DNAJC15: variants seen among roughly 807,000 people sequenced by gnomAD.
DNAJC15 encodes the protein DnaJ heat shock protein family (Hsp40) member C15, also known as dnaJ homolog subfamily C member 15.
A neutral mutation model predicts 22.4 loss-of-function variants in DNAJC15; 27 were observed. That is an observed-to-expected ratio of 1.20 (90% CI 0.89 to 1.66). The LOEUF (loss-of-function observed/expected upper bound fraction) is 1.66. Among genes scored for constraint, DNAJC15 ranks in the 40% most tolerant of loss-of-function variants. DNAJC15 has a pLI of 0.00. For synonymous variants in DNAJC15, 79 were observed against 63.2 expected, an observed-to-expected ratio of 1.25 and a Z score of -1.19; for missense variants, 208 against 187.1, an observed-to-expected ratio of 1.11 and a Z score of -0.65.
rs184444336 is a variant in DNAJC15, at chr13:43,053,626, T to C, written c.109-12060T>C. On this transcript the variant is annotated intron_variant, in intron 1 of 5. Transcript: ENST00000379221. ...TCCTTGTAGAGGTTTTTTACCTCCA[T>C]GGTTAGGTATATTCCTTTGTAATTT... Among the ~76,000 whole-genome samples the C allele has an allele frequency of 2.0e-5, 3 of 152,162 alleles. No individual in the cohort carries two copies. In the East Asian group the frequency reaches 5.8e-4, roughly 29 times the overall value.
chr13:43,078,711 G>A (rs1339454398), intron 4 of DNAJC15, 23 bp downstream of exon 4: 1 of 1,601,796 alleles, frequency 6.2e-7, no homozygotes, highest in Non-Finnish European at 8.5e-7. Context: ...CATAAGTATT[G>A]TTTTGTTGTG....
chr13:43,070,818 G>T (rs2040605245), intron 3 of DNAJC15, among the ~76,000 whole-genome samples: 1 of 152,156 alleles, frequency 6.6e-6, no homozygotes, highest in African/African-American at 2.4e-5. Flanking sequence ...CCTTGGAAGG[G>T]TTTGAGCATG....
chr13:43,097,185 T>TA (rs746942349), intron 5 of DNAJC15, among the ~76,000 whole-genome samples: 28 of 152,174 alleles, frequency 1.8e-4, no homozygotes, highest in Non-Finnish European at 3.7e-4. Flanking sequence ...CTGATTTACT[T>TA]ATAGCCTTCT....
At chr13:43,098,886 A>T (rs1413091567) in intron 5 of DNAJC15, among the ~76,000 whole-genome samples, 1 of 152,190 alleles carries the variant, frequency 6.6e-6, no homozygotes, top group Non-Finnish European at 1.5e-5. Context: ...CTTCCATAAT[A>T]ATTCCATATG....
In DNAJC15 at chr13:43,023,652, C is replaced by T. The variant is rs1218252638; in HGVS notation, c.26C>T (p.Pro9Leu). The T allele has an allele frequency of 1.9e-6, 3 of 1,612,436 alleles. No homozygotes were observed. Among genetic ancestry groups the T allele is most frequent in the Non-Finnish European group, 2.5e-6 (3 of 1,179,388 alleles). MAARGVIA[P>L]VGESLRYAEY... ...ATGGCTGCCCGTGGTGTCATCGCTC[C>T]AGTTGGCGAGAGTTTGCGCTACGCT... The change falls in exon 1 of 6, where the codon CCA (proline) becomes CTA (leucine). Residue 9 changes from proline (P) to leucine (L), a missense_variant. Physicochemically the swap from Pro to Leu is moderately conservative, Grantham distance 98. Transcript: ENST00000379221.
At chr13:43,044,328 T>C (rs1412316876) in intron 1 of DNAJC15, among the ~76,000 whole-genome samples, 1 of 152,214 alleles carries the variant, frequency 6.6e-6, no homozygotes, top group African/African-American at 2.4e-5. Flanking sequence ...TTCTTTTCCA[T>C]TAGTAGATGA....
In DNAJC15 at chr13:43,078,270, A is replaced by C. The variant is rs1253262314; in HGVS notation, c.235-342A>C. Among the ~76,000 whole-genome samples the C allele has an allele frequency of 3.9e-5, 6 of 152,332 alleles. No homozygotes were observed. The East Asian group carries it at 1.2e-3, about 29-fold the overall frequency. The stretch of plus-strand genomic sequence containing the variant: ...AGGCTAAACGATGTCTGCCATATCA[A>C]CATTAAATGACTTCATCAAGGTTAT... On this transcript the variant is annotated intron_variant, in intron 3 of 5. Transcript: ENST00000379221.
chr13:43,078,492 A>G, intron 3 of DNAJC15, 120 bp from the exon 4 acceptor site: 1 of 667,608 alleles, frequency 1.5e-6, no homozygotes, highest in Non-Finnish European at 2.4e-6. Flanking sequence ...CCCCCGCCCC[A>G]TAATTTTGAG....
chr13:43,082,678 T>C (rs776818048), intron 4 of DNAJC15, among the ~76,000 whole-genome samples: 94 of 152,204 alleles, frequency 6.2e-4, no homozygotes, highest in Non-Finnish European at 1.2e-3. Flanking sequence ...TGTACAAAAC[T>C]ATGTGGAACT....
At chr13:43,068,621 TA>T (rs944947875) in intron 2 of DNAJC15, among the ~76,000 whole-genome samples, 2 of 152,134 alleles carry the variant, frequency 1.3e-5, no homozygotes, top group Admixed American at 6.5e-5. Context: ...ACTAGGATGT[TA>T]TTTTTTTTGT....
At position 43,107,376 on chromosome 13, in the gene DNAJC15, A is replaced by C. The variant is rs1443017185; in HGVS notation, c.*128A>C. 4 of 614,732 alleles carry C rather than the reference A, an allele frequency of 6.5e-6. No individual in the cohort carries two copies. The highest frequency in any genetic ancestry group is 1.0e-5 in the Non-Finnish European group (4 of 395,894). The allele number at this position is 614,732 out of a possible 1,614,324, so 38.1% of individuals were successfully genotyped here. On this transcript the variant is annotated 3_prime_UTR_variant, in exon 6 of 6. Coordinates refer to ENST00000379221, the MANE Select transcript of DNAJC15 (RefSeq NM_013238.3). ...ATTGACCACAGTCTTATCTTCCACC[A>C]TTAAGCTGTATAACAATAAAATGTT...
intron 1 of DNAJC15, among the ~76,000 whole-genome samples, chr13:43,034,354 C>T (rs1172224132): frequency 6.1e-5 from 7 of 114,426 alleles, no homozygotes; most frequent in Admixed American, 2.6e-4. Context: ...CTCGCTGTGT[C>T]GCCCAGACTG....
At chr13:43,034,647 T>C (rs2040421466) in intron 1 of DNAJC15, among the ~76,000 whole-genome samples, 1 of 152,144 alleles carries the variant, frequency 6.6e-6, no homozygotes, top group South Asian at 2.1e-4. Context: ...TTATTACTTA[T>C]TTATATTAGT....
At chr13:43,088,377 G>A (rs184515300) in intron 5 of DNAJC15, among the ~76,000 whole-genome samples, 5 of 152,022 alleles carry the variant, frequency 3.3e-5, no homozygotes, top group Non-Finnish European at 5.9e-5. Flanking sequence ...GCTCTGTCCC[G>A]GGGAAAATGT....
chr13:43,090,343 A>T (rs2040708232), intron 5 of DNAJC15, among the ~76,000 whole-genome samples: 1 of 152,258 alleles, frequency 6.6e-6, no homozygotes, highest in Admixed American at 6.5e-5. Context: ...TCTGTTTGTT[A>T]TACTTCTAAG....
chr13:43,072,775 G>C (rs2040614956), intron 3 of DNAJC15, among the ~76,000 whole-genome samples: 1 of 152,122 alleles, frequency 6.6e-6, no homozygotes, highest in Non-Finnish European at 1.5e-5. Context: ...TGTTGGCCAG[G>C]CTGGTCTTGA....
chr13:43,056,112 A>T (rs1593316364), intron 1 of DNAJC15, among the ~76,000 whole-genome samples: 1 of 150,618 alleles, frequency 6.6e-6, no homozygotes, highest in East Asian at 1.9e-4. Flanking sequence ...AGTACTTGAT[A>T]TAATTTTGAT....
At position 43,023,588 on chromosome 13, in the gene DNAJC15, T is replaced by C. The variant is rs952413807; in HGVS notation, c.-39T>C. The C allele has an allele frequency of 6.4e-7, 1 of 1,567,802 alleles. No homozygotes were observed. The highest frequency in any genetic ancestry group is 2.3e-5 in the East Asian group (1 of 43,124). ...GTTTGTCCCTACGGCCGCCTCGTAG[T>C]CACTGCCGCGGCGCCTTGAGTCTCC... is the stretch of plus-strand genomic sequence containing the variant. On this transcript the variant is annotated 5_prime_UTR_variant, in exon 1 of 6. Coordinates refer to ENST00000379221, the MANE Select transcript of DNAJC15 (RefSeq NM_013238.3).
At chr13:43,045,568 C>T (rs1211245624) in intron 1 of DNAJC15, among the ~76,000 whole-genome samples, 2 of 152,158 alleles carry the variant, frequency 1.3e-5, no homozygotes, top group African/African-American at 4.8e-5. Context: ...GGGAGTTTCA[C>T]AATGTTCTTC....
Sources: gnomAD v4.1 joint callset for allele counts (sites outside exome capture counted in the v4.1 genomes callset) on GRCh38, gnomAD v4.1.1 for gene constraint, MANE v1.5 for transcripts, NCBI Gene and HGNC (gene_info 2026-07-23, HGNC 2026-07-21) for gene names.